Variants in NUMA1 observed in about 807,000 individuals in gnomAD.
NUMA1 encodes the protein SP-H antigen.
Under a neutral mutation model 237.1 loss-of-function variants are expected in NUMA1, and 62 were observed. The observed-to-expected ratio is 0.26, with a 90% CI of 0.21 to 0.32. NUMA1 has a LOEUF of 0.32. Among genes scored for constraint, NUMA1 ranks in the 10% least tolerant of loss-of-function variants. NUMA1 has a pLI of 1.00. For missense variants in NUMA1, 2,533 were observed against 2,666.5 expected (o/e 0.95, Z 1.10); for synonymous variants, 1,028 against 1,066.1 (o/e 0.96, Z 0.70).
chr11:72,044,606 G>C lies in NUMA1; in HGVS notation c.-32-8631C>G, dbSNP rs552085605. On this transcript the variant is annotated intron_variant, in intron 2 of 26. Coordinates refer to ENST00000393695, the MANE Select transcript of NUMA1 (RefSeq NM_006185.4). ...AACAGTTAACAGGGGTTACTTTGGGGGGGGGGAGGAGTTAGATTGTAGGGA... is the reference window on the plus strand; with the variant it reads ...AACAGTTAACAGGGGTTACTTTGGGCGGGGGGAGGAGTTAGATTGTAGGGA... Among the ~76,000 whole-genome samples the C allele has an allele frequency of 7.0e-4, 106 of 151,686 alleles. 1 individual carries two copies. The highest frequency in any genetic ancestry group is 3.1e-3 in the East Asian group (16 of 5,172).
chr11:72,065,550 G>T (rs1043623739), intron 2 of NUMA1: 12 of 152,040 alleles, frequency 7.9e-5, no homozygotes, highest in African/African-American at 2.4e-4. Context: ...AAGAAAATAG[G>T]CTAAAATAAG....
Position 72,009,080 on chromosome 11 carries a change from G to A in NUMA1, c.4945C>T (p.Arg1649Ter). Residue 1649 changes from arginine to a stop codon, truncating the protein, a stop_gained, in exon 19 of 27, where the codon CGA becomes TGA. Transcript: ENST00000393695. LOFTEE classifies it high-confidence loss of function. ...EQLQKENKELRAEAERLGHEL... is the reference protein window; with the variant it reads ...EQLQKENKEL Reference sequence around the variant, plus strand: ...TGGCCCAGCCGTTCAGCTTCAGCTCGCAGCTCTTTGTTTTCCTTCTGCAGC... The same window carrying A: ...TGGCCCAGCCGTTCAGCTTCAGCTCACAGCTCTTTGTTTTCCTTCTGCAGC... 6.2e-7 allele frequency: 1 copy of A among 1,613,644 alleles called. No individual in the cohort carries two copies. The highest frequency in any genetic ancestry group is 8.5e-7 in the Non-Finnish European group (1 of 1,180,006).
chr11:72,004,237 A>C lies in NUMA1; in HGVS notation c.6111T>G (p.Ala2037=). ...TTEAQKKAAP[A]STKQADRRQS... is the part of the protein sequence containing the mutation. ...GCCCCAGCCTCACCTGTTTAGTAGA[A>C]GCTGGAGCTGCTTTCTTCTGGGCCT... The change falls in exon 25 of 27, where the codon GCT becomes GCG. Residue 2037 remains alanine (A), a synonymous_variant. Coordinates refer to ENST00000393695, the MANE Select transcript of NUMA1 (RefSeq NM_006185.4). 1 of 1,611,302 alleles carries C rather than the reference A, an allele frequency of 6.2e-7. No individual in the cohort carries two copies. Among genetic ancestry groups the C allele is most frequent in the South Asian group, 1.1e-5 (1 of 90,862 alleles).
At chr11:72,018,597 G>T in intron 10 of NUMA1, 84 bp from the exon 11 acceptor site, 1 of 1,271,610 alleles carries the variant, frequency 7.9e-7, no homozygotes, top group Non-Finnish European at 1.1e-6. Context: ...TGTGCACAAG[G>T]GGAAGGGAGG....
intron 16 of NUMA1, among the ~76,000 whole-genome samples, chr11:72,011,465 A>G (rs1956157835): frequency 6.6e-6 from 1 of 152,224 alleles, no homozygotes; most frequent in Non-Finnish European, 1.5e-5. Context: ...CACAGGGAGT[A>G]GGGGAAAAGA....
At chr11:72,010,607 GTC>G (rs1956085693) in intron 17 of NUMA1, among the ~76,000 whole-genome samples, 177 bp downstream of exon 17, 1 of 152,232 alleles carries the variant, frequency 6.6e-6, no homozygotes, top group Admixed American at 6.5e-5. Flanking sequence ...CACCCTGGTT[GTC>G]TCTCGAGAGC....
intron 2 of NUMA1, among the ~76,000 whole-genome samples, chr11:72,037,931 G>GC (rs1941234181): frequency 6.6e-6 from 1 of 152,178 alleles, no homozygotes; most frequent in Non-Finnish European, 1.5e-5. Context: ...GATGCAGATA[G>GC]CCCCAACTAC....
At chr11:72,078,980 G>C (rs1268453509) in intron 1 of NUMA1, among the ~76,000 whole-genome samples, 1 of 152,168 alleles carries the variant, frequency 6.6e-6, no homozygotes, top group Non-Finnish European at 1.5e-5. Flanking sequence ...ACTAGAGAGA[G>C]GGAATTATGT....
chr11:72,018,211 G>C lies in NUMA1; in HGVS notation c.950C>G (p.Ser317Trp). The C allele has an allele frequency of 6.2e-7, 1 of 1,614,050 alleles. No homozygotes were observed. The highest frequency in any genetic ancestry group is 8.5e-7 in the Non-Finnish European group (1 of 1,179,898). ...AAAGGAAAGGTCTCCATTCTCCTCC[G>C]AAAGCTGGTTGATTTTGCGATCCAT... is the stretch of plus-strand genomic sequence containing the variant. ...SQMDRKINQL[S>W]EENGDLSFKL... Residue 317 changes from serine to tryptophan, a missense_variant, in exon 12 of 27, where the codon TCG becomes TGG. Transcript: ENST00000393695.
Position 72,004,835 on chromosome 11 carries a change from TG to T in NUMA1, c.5830-20del. 1 of 1,550,710 alleles carries T rather than the reference TG, an allele frequency of 6.4e-7. No individual in the cohort carries two copies. The highest frequency in any genetic ancestry group is 8.7e-7 in the Non-Finnish European group (1 of 1,150,386). On this transcript the variant is annotated intron_variant, in intron 23 of 26. Coordinates refer to ENST00000393695, the MANE Select transcript of NUMA1 (RefSeq NM_006185.4). ...GGGAAGGCTGCATGGGTGGAAGAGG[TG>T]GTCAGTGGACCATAGCTGTATGGAG...
At chr11:72,044,667 C>CT (rs1196162358) in intron 2 of NUMA1, among the ~76,000 whole-genome samples, 4,141 of 125,544 alleles carry the variant, frequency 0.033, 148 homozygotes, top group African/African-American at 0.073. Context: ...TGTATGTTTG[C>CT]TTTTTTTTTT....
At chr11:72,048,808 G>C (rs371713560) in intron 2 of NUMA1, among the ~76,000 whole-genome samples, 1 of 152,170 alleles carries the variant, frequency 6.6e-6, no homozygotes, top group Non-Finnish European at 1.5e-5. Flanking sequence ...CAAGCACCAA[G>C]AAAAGTCTTG....
At chr11:72,034,618 G>A (rs1332550936) in intron 3 of NUMA1, among the ~76,000 whole-genome samples, 2 of 151,902 alleles carry the variant, frequency 1.3e-5, no homozygotes, top group Admixed American at 1.3e-4. Context: ...TGAAGCAGGA[G>A]AATTGCTTGA....
At chr11:72,059,852 G>C (rs1216263738) in intron 2 of NUMA1, among the ~76,000 whole-genome samples, 1 of 152,018 alleles carries the variant, frequency 6.6e-6, no homozygotes, top group African/African-American at 2.4e-5. Flanking sequence ...CTAGTTTATA[G>C]TCTCACCAAC....
At chr11:72,050,100 C>T (rs555922146) in intron 2 of NUMA1, among the ~76,000 whole-genome samples, 18 of 152,110 alleles carry the variant, frequency 1.2e-4, no homozygotes, top group Non-Finnish European at 2.4e-4. Flanking sequence ...ACTGGTAGTA[C>T]CAACTTAGCA....
intron 12 of NUMA1, 60 bp downstream of exon 12, chr11:72,018,123 A>G (rs974236046): frequency 1.6e-6 from 2 of 1,213,772 alleles, no homozygotes; most frequent in Non-Finnish European, 2.5e-6. Context: ...TCTCTTGGGG[A>G]GCCTTCCAGA....
chr11:72,023,003 G>T, intron 6 of NUMA1, 62 bp downstream of exon 6: 2 of 1,185,816 alleles, frequency 1.7e-6, no homozygotes, highest in East Asian at 2.3e-5. Flanking sequence ...GCCCTGCAGG[G>T]TCCCTCAGGT....
At chr11:72,053,172 G>A (rs1045808247) in intron 2 of NUMA1, among the ~76,000 whole-genome samples, 1 of 152,178 alleles carries the variant, frequency 6.6e-6, no homozygotes, top group African/African-American at 2.4e-5. Context: ...TTTTTGTAGA[G>A]ACAGGATCTT....
At position 72,035,915 on chromosome 11, in the gene NUMA1, G is replaced by A. The variant is rs1399444254; in HGVS notation, c.29C>T (p.Ala10Val). 1.2e-6 allele frequency: 2 copies of A among 1,614,056 alleles called. No individual in the cohort carries two copies. Among genetic ancestry groups the A allele is most frequent in the East Asian group, 2.2e-5 (1 of 44,880 alleles). ...AAGACTACTTACCCAAGAGAGGAGT[G>A]CAGCCCCCCGGGTGGCGTGGAGTGT... MTLHATRGA[A>V]LLSWVNSLHV... The change falls in exon 3 of 27, where the codon GCA becomes GTA. Residue 10 changes from alanine to valine, a missense_variant. Around this residue, in one of 3 missense-constraint regions of NUMA1, gnomAD observed 1,414 missense variants for 1,508.1 expected, o/e 0.94. Transcript: ENST00000393695.
Sources: allele counts gnomAD v4.1 joint callset (sites outside exome capture counted in the v4.1 genomes callset), GRCh38; gene constraint gnomAD v4.1.1; regional missense constraint gnomAD v4.1.1; transcripts MANE v1.5; gene names NCBI Gene and HGNC (gene_info 2026-07-23, HGNC 2026-07-21).